IQCM: variants seen among roughly 807,000 people sequenced by gnomAD.
IQCM encodes IQ domain-containing protein M.
Under a neutral mutation model 57.6 loss-of-function variants are expected in IQCM, and 45 were observed. The observed-to-expected ratio is 0.78, with a 90% CI of 0.62 to 1.00. IQCM has a LOEUF of 1.00. Ranked by LOEUF, IQCM falls within the 50% of genes least tolerant of loss-of-function variation. The pLI, the probability that IQCM is intolerant of heterozygous loss-of-function variation, is 0.00. For synonymous variants in IQCM, 148 were observed against 158.9 expected, an observed-to-expected ratio of 0.93 and a Z score of 0.51; for missense variants, 468 against 511.6, an observed-to-expected ratio of 0.91 and a Z score of 0.82.
At chr4:149,586,274 A>C (rs2149996849) in intron 9 of IQCM, among the ~76,000 whole-genome samples, 1 of 151,762 alleles carries the variant, frequency 6.6e-6, no homozygotes, top group Middle Eastern at 3.4e-3. Context: ...TTGAAAACAA[A>C]TTCAATTTCT....
chr4:149,534,890 C>T lies in IQCM; in HGVS notation c.1228+13565G>A, dbSNP rs1448053585. Among the ~76,000 whole-genome samples, 12 of 152,222 alleles carry T rather than the reference C, an allele frequency of 7.9e-5. No homozygotes were observed. The South Asian group carries it at 1.4e-3, about 18-fold the overall frequency. ...GCTTTTAGCATAAACAATTGGCTTA[C>T]GTTCTGCCAAACTGGCAGCTCCTAG... is the stretch of plus-strand genomic sequence containing the variant. On this transcript the variant is annotated intron_variant, in intron 12 of 13. Coordinates refer to ENST00000636793, the MANE Select transcript of IQCM (RefSeq NM_001363507.2).
At chr4:149,438,454 A>G (rs1168251529) in intron 12 of IQCM, among the ~76,000 whole-genome samples, 1 of 152,128 alleles carries the variant, frequency 6.6e-6, no homozygotes, top group Non-Finnish European at 1.5e-5. Flanking sequence ...GTGGTGGACA[A>G]ATAATCTATA....
At chr4:149,623,749 G>C (rs147596643) in intron 7 of IQCM, among the ~76,000 whole-genome samples, 1 of 151,696 alleles carries the variant, frequency 6.6e-6, no homozygotes, top group Non-Finnish European at 1.5e-5. Context: ...GTGTGTGTGT[G>C]TGTACACATG....
At chr4:149,767,010 AC>A (rs1475901562) in intron 2 of IQCM, among the ~76,000 whole-genome samples, 5 of 152,096 alleles carry the variant, frequency 3.3e-5, no homozygotes, top group Non-Finnish European at 7.4e-5. Context: ...ACTAACAAAA[AC>A]AAATATTAGA....
intron 13 of IQCM, among the ~76,000 whole-genome samples, chr4:149,408,320 G>C (rs1172810092): frequency 6.6e-6 from 1 of 152,082 alleles, no homozygotes; most frequent in Admixed American, 6.6e-5. Flanking sequence ...AAAGTAAACT[G>C]GTTATAAAAT....
chr4:149,623,285 T>C (rs2150077483), intron 7 of IQCM, among the ~76,000 whole-genome samples: 1 of 152,326 alleles, frequency 6.6e-6, no homozygotes, highest in South Asian at 2.1e-4. Flanking sequence ...TCCAACCCAA[T>C]ATATGAAACT....
chr4:149,409,601 T>C (rs1405770063), intron 13 of IQCM, among the ~76,000 whole-genome samples: 1 of 152,220 alleles, frequency 6.6e-6, no homozygotes, highest in Admixed American at 6.5e-5. Context: ...ACATAGGGTG[T>C]AACTGTTTTT....
intron 12 of IQCM, among the ~76,000 whole-genome samples, chr4:149,509,345 A>T (rs1393414190): frequency 6.6e-6 from 1 of 151,934 alleles, no homozygotes; most frequent in African/African-American, 2.4e-5. Flanking sequence ...TGACACAACC[A>T]TAGCTCACTG....
At chr4:149,520,153 G>T (rs1045205488) in intron 12 of IQCM, among the ~76,000 whole-genome samples, 1 of 151,942 alleles carries the variant, frequency 6.6e-6, no homozygotes, top group African/African-American at 2.4e-5. Flanking sequence ...GCCCAGGCAT[G>T]GCTTGAAGTA....
At chr4:149,440,461 A>C (rs1015612969) in intron 12 of IQCM, among the ~76,000 whole-genome samples, 1 of 152,084 alleles carries the variant, frequency 6.6e-6, no homozygotes, top group Non-Finnish European at 1.5e-5. Context: ...TTAATTACAC[A>C]GTTAAATATT....
intron 8 of IQCM, among the ~76,000 whole-genome samples, chr4:149,616,666 T>C (rs1367376350): frequency 6.6e-6 from 1 of 152,026 alleles, no homozygotes; most frequent in Non-Finnish European, 1.5e-5. Flanking sequence ...ATGAAAAAAG[T>C]CTACTTAGAA....
chr4:149,500,563 G>T (rs917928818), intron 12 of IQCM, among the ~76,000 whole-genome samples: 3 of 152,058 alleles, frequency 2.0e-5, no homozygotes, highest in African/African-American at 7.2e-5. Flanking sequence ...ACTTGAAAAG[G>T]TACCAAAAGA....
chr4:149,494,031 A>T (rs1742388357), intron 12 of IQCM, among the ~76,000 whole-genome samples: 1 of 151,956 alleles, frequency 6.6e-6, no homozygotes, highest in Non-Finnish European at 1.5e-5. Flanking sequence ...TCAAGATACA[A>T]GTCTTTTCTT....
At chr4:149,744,586 C>T (rs570330456) in intron 2 of IQCM, among the ~76,000 whole-genome samples, 32 of 152,108 alleles carry the variant, frequency 2.1e-4, no homozygotes, top group African/African-American at 7.7e-4. Flanking sequence ...ATGGTAATGT[C>T]CCTGCAAACT....
intron 12 of IQCM, among the ~76,000 whole-genome samples, chr4:149,459,226 C>T (rs1738018530): frequency 6.6e-6 from 1 of 152,226 alleles, no homozygotes; most frequent in South Asian, 2.1e-4. Flanking sequence ...CAGGATGAAA[C>T]CAAGGGTGCT....
chr4:149,519,354 G>T lies in IQCM; in HGVS notation c.1228+29101C>A, dbSNP rs533497025. 2.0e-5 allele frequency among the ~76,000 whole-genome samples: 3 copies of T among 152,296 alleles called. No homozygotes were observed. The South Asian group carries it at 6.2e-4, about 32-fold the overall frequency. On this transcript the variant is annotated intron_variant, in intron 12 of 13. Coordinates refer to ENST00000636793, the MANE Select transcript of IQCM (RefSeq NM_001363507.2). Reference sequence around the variant, plus strand: ...AGTGCTTTCTTGGCCGGGCGCGGTGGCTCACGCCTGTAATCCCAGCACTTT... The same window carrying T: ...AGTGCTTTCTTGGCCGGGCGCGGTGTCTCACGCCTGTAATCCCAGCACTTT...
chr4:149,790,330 C>A, intron 2 of IQCM: 1 of 208,098 alleles, frequency 4.8e-6, no homozygotes, highest in African/African-American at 2.3e-5. Flanking sequence ...TTGCGAGCTG[C>A]CTTCTTCCTT....
intron 12 of IQCM, among the ~76,000 whole-genome samples, chr4:149,528,431 C>A (rs1223776587): frequency 1.3e-5 from 2 of 152,158 alleles, no homozygotes; most frequent in Non-Finnish European, 2.9e-5. Context: ...AATTACATAT[C>A]TGCTACATGG....
chr4:149,415,444 A>G (rs1324917635), intron 13 of IQCM, among the ~76,000 whole-genome samples: 1 of 152,166 alleles, frequency 6.6e-6, no homozygotes, highest in Non-Finnish European at 1.5e-5. Flanking sequence ...CACAGTGGTA[A>G]GTGTGTTTTA....
Sources: allele counts gnomAD v4.1 joint callset (sites outside exome capture counted in the v4.1 genomes callset), GRCh38; gene constraint gnomAD v4.1.1; transcripts MANE v1.5; gene names NCBI Gene and HGNC (gene_info 2026-07-23, HGNC 2026-07-21).